The following NXPE2 variants were observed in gnomAD, a reference collection of about 807,000 sequenced individuals.
NXPE2 encodes the protein NXPE family member 2.
Under a neutral mutation model 34.4 loss-of-function variants are expected in NXPE2, and 34 were observed. The ratio of observed to expected loss-of-function variants is 0.99; its 90% CI spans 0.75 to 1.31. The LOEUF (loss-of-function observed/expected upper bound fraction) is 1.31, where lower values mean the gene tolerates loss of function less well. Among genes scored for constraint, NXPE2 ranks in the 40% most tolerant of loss-of-function variants. The pLI is 0.00. For synonymous variants in NXPE2, 235 were observed against 231.3 expected, an observed-to-expected ratio of 1.02 and a Z score of -0.15; for missense variants, 649 against 672.5, an observed-to-expected ratio of 0.97 and a Z score of 0.39.
At chr11:114,479,987 T>A in the NXPE2 span, among the ~76,000 whole-genome samples, 1 of 152,066 alleles carries the variant, frequency 6.6e-6, no homozygotes, top group South Asian at 2.1e-4. Context: ...TCAGGCTTTT[T>A]AAAATAACCA....
At chr11:114,562,761 T>C in the NXPE2 span, among the ~76,000 whole-genome samples, 1 of 152,174 alleles carries the variant, frequency 6.6e-6, no homozygotes, top group Non-Finnish European at 1.5e-5. Context: ...TCTTAGGAAT[T>C]AATCTAGCTT....
the NXPE2 span, among the ~76,000 whole-genome samples, chr11:114,610,460 T>A: frequency 8.6e-5 from 13 of 151,754 alleles, 1 homozygote; most frequent in Non-Finnish European, 1.9e-4. Flanking sequence ...GGATAATAAG[T>A]GTTGTTTCTA....
chr11:114,520,100 C>T, the NXPE2 span, among the ~76,000 whole-genome samples: 1 of 152,046 alleles, frequency 6.6e-6, no homozygotes, highest in African/African-American at 2.4e-5. Flanking sequence ...CCGTGCCTGG[C>T]CACAATTACC....
At chr11:114,522,249 T>A in the NXPE2 span, 1 of 1,614,126 alleles carries the variant, frequency 6.2e-7, no homozygotes, top group Non-Finnish European at 8.5e-7. Flanking sequence ...TGAACACCGA[T>A]GGCCCTGCGA....
At chr11:114,661,786 T>C in the NXPE2 span, among the ~76,000 whole-genome samples, 13 of 152,192 alleles carry the variant, frequency 8.5e-5, no homozygotes, top group Non-Finnish European at 1.2e-4. Flanking sequence ...TAGGAAGCTA[T>C]AGTAATTAAG....
the NXPE2 span, among the ~76,000 whole-genome samples, chr11:114,568,216 G>A: frequency 6.6e-6 from 1 of 151,570 alleles, no homozygotes; most frequent in African/African-American, 2.4e-5. Flanking sequence ...AAAATCTCTG[G>A]GTCACATTCA....
chr11:114,810,085 T>C, the NXPE2 span, among the ~76,000 whole-genome samples: 3 of 149,032 alleles, frequency 2.0e-5, no homozygotes, highest in African/African-American at 7.4e-5. Context: ...AAACAAGCAA[T>C]GGGGAAAGGA....
At chr11:114,711,218 A>T (rs1229745588), downstream of NXPE2, among the ~76,000 whole-genome samples, 1 of 152,172 alleles carries the variant, frequency 6.6e-6, no homozygotes, top group Non-Finnish European at 1.5e-5. Flanking sequence ...TATTCAACAT[A>T]GTACTGAAAT....
the NXPE2 span, among the ~76,000 whole-genome samples, chr11:114,540,099 A>T: frequency 6.6e-6 from 1 of 152,146 alleles, no homozygotes; most frequent in African/African-American, 2.4e-5. Context: ...GGGATTACAG[A>T]CGCCTGCCAT....
At chr11:114,760,032 C>A in the NXPE2 span, among the ~76,000 whole-genome samples, 3 of 152,014 alleles carry the variant, frequency 2.0e-5, no homozygotes, top group African/African-American at 7.2e-5. Flanking sequence ...CTTCTAAATG[C>A]AGATGGAGAA....
At chr11:114,637,460 T>G in the NXPE2 span, among the ~76,000 whole-genome samples, 1 of 151,954 alleles carries the variant, frequency 6.6e-6, no homozygotes, top group Non-Finnish European at 1.5e-5. Context: ...TTAGTCCATT[T>G]ACATTTAAAG....
chr11:114,636,229 A>T, the NXPE2 span, among the ~76,000 whole-genome samples: 1 of 151,946 alleles, frequency 6.6e-6, no homozygotes, highest in East Asian at 1.9e-4. Flanking sequence ...CATTTTTTCT[A>T]GATTCTCTAG....
the NXPE2 span, among the ~76,000 whole-genome samples, chr11:114,569,047 A>C: frequency 2.6e-5 from 4 of 152,190 alleles, no homozygotes; most frequent in Admixed American, 2.6e-4. Flanking sequence ...TTGGCAAATA[A>C]ATAGAAAATG....
chr11:114,476,484 C>G, the NXPE2 span, among the ~76,000 whole-genome samples: 92 of 152,232 alleles, frequency 6.0e-4, 1 homozygote, highest in African/African-American at 2.2e-3. Flanking sequence ...TCCATTTTCA[C>G]ACTGCTATAA....
chr11:114,804,343 CTG>C, the NXPE2 span, among the ~76,000 whole-genome samples: 1 of 152,202 alleles, frequency 6.6e-6, no homozygotes, highest in African/African-American at 2.4e-5. Context: ...ACTCAGGAAA[CTG>C]TGTTATCATC....
chr11:114,714,743 G>GTC, the NXPE2 span, among the ~76,000 whole-genome samples: 11 of 152,184 alleles, frequency 7.2e-5, no homozygotes, highest in South Asian at 2.1e-4. Flanking sequence ...AATAGGGAAG[G>GTC]CTGGACGCAG....
At chr11:114,663,631 A>ATCATCTG in the NXPE2 span, among the ~76,000 whole-genome samples, 1 of 89,442 alleles carries the variant, frequency 1.1e-5, no homozygotes, top group Non-Finnish European at 2.4e-5. Flanking sequence ...CTATCTATCT[A>ATCATCTG]TCTATCATCT....
chr11:114,748,533 T>C, the NXPE2 span, among the ~76,000 whole-genome samples: 1 of 152,234 alleles, frequency 6.6e-6, no homozygotes, highest in Non-Finnish European at 1.5e-5. Flanking sequence ...TTGATTTTCA[T>C]TAGCTTGACA....
chr11:114,644,898 T>G, the NXPE2 span, among the ~76,000 whole-genome samples: 4 of 151,552 alleles, frequency 2.6e-5, no homozygotes, highest in African/African-American at 9.7e-5. Flanking sequence ...AAGATAGAAT[T>G]AAAAGCGCAG....
Sources: allele counts gnomAD v4.1 joint callset (sites outside exome capture counted in the v4.1 genomes callset), GRCh38; gene constraint gnomAD v4.1.1; transcripts MANE v1.5; gene names NCBI Gene and HGNC (gene_info 2026-07-23, HGNC 2026-07-21).